RSRC1: variants seen among roughly 807,000 people sequenced by gnomAD.
RSRC1 encodes arginine and serine rich coiled-coil 1, also known as serine/Arginine-related protein 53.
In RSRC1, 39 loss-of-function variants were observed where a neutral mutation model predicts 49.1. That is an observed-to-expected ratio of 0.79 (90% CI 0.61 to 1.04). The LOEUF (loss-of-function observed/expected upper bound fraction) is 1.04. RSRC1 is among the 50% of genes least tolerant of loss of function. The probability of loss-of-function intolerance (pLI) is 0.00; values close to 1 mark genes in which losing one functional copy is unlikely to be tolerated. For synonymous variants in RSRC1, 143 were observed against 130.8 expected (o/e 1.09, Z -0.63); for missense variants, 388 against 402.4 (o/e 0.96, Z 0.31).
intron 6 of RSRC1, among the ~76,000 whole-genome samples, chr3:158,361,349 T>C (rs1429243308): frequency 6.6e-6 from 1 of 151,976 alleles, no homozygotes. Flanking sequence ...GCAGTAGCAG[T>C]GGGCAAGAGC....
intron 6 of RSRC1, among the ~76,000 whole-genome samples, chr3:158,385,426 C>G (rs533388310): frequency 1.3e-5 from 2 of 152,152 alleles, no homozygotes; most frequent in African/African-American, 4.8e-5. Flanking sequence ...GAGTGACTAC[C>G]TCTGCCTGAG....
At chr3:158,194,327 G>C (rs1272247514) in intron 3 of RSRC1, among the ~76,000 whole-genome samples, 1 of 149,944 alleles carries the variant, frequency 6.7e-6, no homozygotes, top group Non-Finnish European at 1.5e-5. Context: ...AAGAAGAAAA[G>C]AAAAGAAAAA....
intron 4 of RSRC1, among the ~76,000 whole-genome samples, chr3:158,221,433 C>T (rs1422850437): frequency 7.3e-5 from 11 of 151,000 alleles, no homozygotes; most frequent in African/African-American, 2.2e-4. Flanking sequence ...TGCAGTATGC[C>T]GATGCTGCTT....
chr3:158,122,530 T>TTTTAA (rs1170747440), intron 2 of RSRC1, among the ~76,000 whole-genome samples: 1 of 151,832 alleles, frequency 6.6e-6, no homozygotes, highest in Non-Finnish European at 1.5e-5. Context: ...TAGTTTCCTT[T>TTTTAA]TTTAATTTAA....
At chr3:158,296,304 C>T (rs1727234025) in intron 4 of RSRC1, among the ~76,000 whole-genome samples, 1 of 151,846 alleles carries the variant, frequency 6.6e-6, no homozygotes, top group African/African-American at 2.4e-5. Flanking sequence ...TTTCAACAAA[C>T]ATAGAAGGGA....
intron 3 of RSRC1, among the ~76,000 whole-genome samples, chr3:158,153,986 A>G (rs945048657): frequency 6.6e-6 from 1 of 152,208 alleles, no homozygotes; most frequent in Non-Finnish European, 1.5e-5. Context: ...TTTCCCCAAT[A>G]AAACTCCAAA....
chr3:158,192,132 C>G (rs1720278044), intron 3 of RSRC1, among the ~76,000 whole-genome samples: 1 of 151,920 alleles, frequency 6.6e-6, no homozygotes, highest in African/African-American at 2.4e-5. Flanking sequence ...AAGAGGCATA[C>G]AGTGTGAGGA....
intron 5 of RSRC1, among the ~76,000 whole-genome samples, chr3:158,307,265 G>A (rs537672600): frequency 6.6e-6 from 1 of 151,996 alleles, no homozygotes; most frequent in South Asian, 2.1e-4. Flanking sequence ...CTGATTCTGT[G>A]CACTGGCACT....
intron 6 of RSRC1, among the ~76,000 whole-genome samples, chr3:158,460,184 T>C (rs1338775736): frequency 6.6e-6 from 1 of 151,956 alleles, no homozygotes; most frequent in East Asian, 1.9e-4. Flanking sequence ...TTATTTTCAC[T>C]TAGTTCACTC....
intron 3 of RSRC1, among the ~76,000 whole-genome samples, chr3:158,190,543 A>T (rs1332353656): frequency 6.7e-6 from 1 of 150,176 alleles, no homozygotes; most frequent in Non-Finnish European, 1.5e-5. Context: ...TTTATTTTTA[A>T]TTTAAATAAA....
chr3:158,408,277 CAT>C (rs1000162385), intron 6 of RSRC1, among the ~76,000 whole-genome samples: 2 of 152,120 alleles, frequency 1.3e-5, no homozygotes, highest in Non-Finnish European at 2.9e-5. Context: ...TCACCAGAGA[CAT>C]ATGGAAAATA....
At chr3:158,264,159 T>G (rs981297496) in intron 4 of RSRC1, among the ~76,000 whole-genome samples, 5 of 152,308 alleles carry the variant, frequency 3.3e-5, no homozygotes, top group African/African-American at 1.2e-4. Flanking sequence ...GCTTTTCTCA[T>G]GTAGGCGTTT....
intron 6 of RSRC1, among the ~76,000 whole-genome samples, chr3:158,356,560 A>G (rs1209361409): frequency 6.6e-6 from 1 of 151,982 alleles, no homozygotes; most frequent in East Asian, 1.9e-4. Context: ...ATTTATCTTT[A>G]TGTAGAAAAC....
intron 5 of RSRC1, among the ~76,000 whole-genome samples, chr3:158,337,181 C>A (rs914628583): frequency 1.3e-5 from 2 of 152,178 alleles, no homozygotes; most frequent in African/African-American, 4.8e-5. Context: ...TCCCGCTTCC[C>A]ACGCGGAGAG....
At chr3:158,325,386 A>T (rs1442797495) in intron 5 of RSRC1, among the ~76,000 whole-genome samples, 1 of 152,202 alleles carries the variant, frequency 6.6e-6, no homozygotes, top group Non-Finnish European at 1.5e-5. Context: ...TCTTTAATCC[A>T]TCTTGAATTA....
chr3:158,377,164 A>G (rs900217152), intron 6 of RSRC1, among the ~76,000 whole-genome samples: 2 of 152,180 alleles, frequency 1.3e-5, no homozygotes, highest in African/African-American at 2.4e-5. Flanking sequence ...ATTAGTTTGA[A>G]TATGATGTGT....
At chr3:158,336,265 T>C (rs1381021735) in intron 5 of RSRC1, among the ~76,000 whole-genome samples, 1 of 152,214 alleles carries the variant, frequency 6.6e-6, no homozygotes, top group African/African-American at 2.4e-5. Context: ...CCTGGCTGCC[T>C]TTCTTTCTTG....
intron 1 of RSRC1, among the ~76,000 whole-genome samples, chr3:158,118,807 A>T (rs1489234891): frequency 6.6e-6 from 1 of 152,212 alleles, no homozygotes; most frequent in Non-Finnish European, 1.5e-5. Context: ...CTTGTCAACT[A>T]GTAGGCTTCA....
intron 4 of RSRC1, among the ~76,000 whole-genome samples, chr3:158,223,812 A>T (rs699923): frequency 0.65 from 98,226 of 151,484 alleles, 32,148 homozygotes; most frequent in East Asian, 0.84. Context: ...TGTTCTTTCC[A>T]TTCTCTAGAC....
Sources: allele counts gnomAD v4.1 joint callset (sites outside exome capture counted in the v4.1 genomes callset), GRCh38; gene constraint gnomAD v4.1.1; transcripts MANE v1.5; gene names NCBI Gene and HGNC (gene_info 2026-07-23, HGNC 2026-07-21).